ATP2C1: variants seen among roughly 807,000 people sequenced by gnomAD.
The protein encoded by ATP2C1 is calcium-transporting ATPase type 2C member 1.
ATP2C1 carries 31 observed loss-of-function variants against 120.5 expected under a neutral mutation model. The ratio of observed to expected loss-of-function variants is 0.26; its 90% CI spans 0.19 to 0.35. ATP2C1 has a LOEUF of 0.35. Among genes scored for constraint, ATP2C1 ranks in the 10% least tolerant of loss-of-function variants. ATP2C1 has a pLI of 1.00. For missense variants in ATP2C1, 731 were observed against 1,107.5 expected (o/e 0.66, Z 4.83); for synonymous variants, 351 against 358.7 (o/e 0.98, Z 0.24).
intron 26 of ATP2C1, among the ~76,000 whole-genome samples, chr3:131,011,767 A>G (rs1209167140): frequency 6.6e-6 from 1 of 152,208 alleles, no homozygotes. Flanking sequence ...TTACTTTTGC[A>G]CCAACTTAAT....
In ATP2C1 at chr3:130,851,136, C is replaced by T. The variant is rs373525560; in HGVS notation, c.108+208C>T. On this transcript the variant is annotated intron_variant, in intron 1 of 26. Coordinates refer to the ATP2C1 transcript ENST00000504381. ...GGAACATTCAGATCCTGAGATTAAGCGGAGTTCTGTAATGAAGCCACATGC... is the reference window on the plus strand; with the variant it reads ...GGAACATTCAGATCCTGAGATTAAGTGGAGTTCTGTAATGAAGCCACATGC... Among the ~76,000 whole-genome samples, 187 of 152,266 alleles carry T rather than the reference C, an allele frequency of 1.2e-3. 2 individuals carry two copies. In the South Asian group the frequency reaches 0.025, roughly 21 times the overall value.
intron 20 of ATP2C1, among the ~76,000 whole-genome samples, chr3:130,987,271 T>C (rs1272695766): frequency 6.6e-6 from 1 of 152,022 alleles, no homozygotes; most frequent in East Asian, 1.9e-4. Context: ...GTGCTGGGGT[T>C]ATAGGCATGA....
chr3:131,003,115 TTG>T lies in ATP2C1; in HGVS notation c.*1767_*1768del. 1.0e-6 allele frequency: 1 copy of T among 983,492 alleles called. No homozygotes were observed. The highest frequency in any genetic ancestry group is 1.2e-6 in the Non-Finnish European group (1 of 827,756). 60.9% of individuals were successfully genotyped at this position (983,492 alleles called of 1,614,324 possible). On this transcript the variant is annotated 3_prime_UTR_variant, in exon 28 of 28. Coordinates refer to ENST00000510168, the MANE Select transcript of ATP2C1 (RefSeq NM_001378687.1). ...AAATGTGCCTATACATTCATTTGCT[TTG>T]TACTATAAAAATAAAAATGATTTCT...
intron 16 of ATP2C1, among the ~76,000 whole-genome samples, chr3:130,968,664 A>G (rs2061157961): frequency 6.6e-6 from 1 of 152,228 alleles, no homozygotes; most frequent in Non-Finnish European, 1.5e-5. Context: ...GAGAACCTTT[A>G]AGGCCAAGAA....
chr3:130,912,988 T>C (rs942097492), intron 2 of ATP2C1, among the ~76,000 whole-genome samples: 1 of 147,366 alleles, frequency 6.8e-6, no homozygotes, highest in Non-Finnish European at 1.5e-5. Context: ...TCATTCTCAG[T>C]AAACTATCGC....
chr3:130,863,735 A>C (rs2068085314), intron 1 of ATP2C1, among the ~76,000 whole-genome samples: 1 of 152,194 alleles, frequency 6.6e-6, no homozygotes, highest in Non-Finnish European at 1.5e-5. Flanking sequence ...ATAGTGAATA[A>C]GTCTCATGAG....
intron 9 of ATP2C1, 101 bp downstream of exon 9, chr3:130,954,077 C>T: frequency 7.8e-7 from 1 of 1,278,404 alleles, no homozygotes. Flanking sequence ...AAATACATGA[C>T]AAAGGATAAA....
chr3:130,874,721 T>C (rs777648510), intron 1 of ATP2C1, among the ~76,000 whole-genome samples: 4 of 152,196 alleles, frequency 2.6e-5, no homozygotes, highest in Non-Finnish European at 5.9e-5. Flanking sequence ...TTGCCATTCT[T>C]AGTATTGTCT....
chr3:130,947,628 G>T (rs751210403), intron 8 of ATP2C1, among the ~76,000 whole-genome samples: 4 of 152,024 alleles, frequency 2.6e-5, no homozygotes, highest in Non-Finnish European at 4.4e-5. Context: ...ATTTTCCATT[G>T]TAAGGATTTA....
rs1446667697 is a variant in ATP2C1 at position 130,883,474 on chromosome 3, TTTTC to T, written c.108+32548_108+32551del. ...AGTCTTTCTTCTCCTTCTTTTTTTT[TTTTC>T]TCCACAGAGTTTTGCTCTGTCACCT... On this transcript the variant is annotated intron_variant, in intron 1 of 26. Coordinates refer to the ATP2C1 transcript ENST00000504381. 9.7e-5 allele frequency among the ~76,000 whole-genome samples: 7 copies of T among 72,304 alleles called. No individual in the cohort carries two copies. The South Asian group carries it at 1.4e-3, about 14-fold the overall frequency. 47.4% of individuals were successfully genotyped at this position (72,304 alleles called of 152,430 possible).
intron 22 of ATP2C1, among the ~76,000 whole-genome samples, chr3:130,994,447 A>T (rs2062505614): frequency 6.6e-6 from 1 of 152,188 alleles, no homozygotes; most frequent in African/African-American, 2.4e-5. Flanking sequence ...CTTTATAATA[A>T]ATATTGAAAA....
chr3:130,981,258 T>C (rs1332433331), intron 20 of ATP2C1, among the ~76,000 whole-genome samples: 3 of 152,194 alleles, frequency 2.0e-5, no homozygotes, highest in Non-Finnish European at 4.4e-5. Context: ...TCTGCCACTT[T>C]ACCTTTTCTA....
intron 20 of ATP2C1, among the ~76,000 whole-genome samples, chr3:130,986,939 T>G (rs1285213787): frequency 7.1e-6 from 1 of 140,192 alleles, no homozygotes; most frequent in African/African-American, 2.7e-5. Context: ...TTAGTTTAGT[T>G]TAGTTTAGTT....
chr3:130,864,761 C>T (rs1315010635), intron 1 of ATP2C1, among the ~76,000 whole-genome samples: 1 of 152,236 alleles, frequency 6.6e-6, no homozygotes, highest in Non-Finnish European at 1.5e-5. Context: ...TGTGAATGCA[C>T]TGAAGTCAAG....
intron 1 of ATP2C1, among the ~76,000 whole-genome samples, chr3:130,878,624 CCTT>C (rs1358843739): frequency 6.6e-6 from 1 of 152,164 alleles, no homozygotes; most frequent in East Asian, 1.9e-4. Context: ...CTTTATTTCT[CCTT>C]CATTTCTGAA....
chr3:130,956,919 G>C (rs926038675), intron 11 of ATP2C1, among the ~76,000 whole-genome samples: 11 of 151,924 alleles, frequency 7.2e-5, no homozygotes, highest in Admixed American at 4.6e-4. Context: ...ATTGATAAAA[G>C]CTTTTTATAT....
chr3:130,894,368 T>G lies in ATP2C1; in HGVS notation c.-181+31T>G. The G allele has an allele frequency of 9.1e-7, 1 of 1,099,668 alleles. No individual in the cohort carries two copies. The allele number at this position is 1,099,668 out of a possible 1,614,324, so 68.1% of individuals were successfully genotyped here. On this transcript the variant is annotated intron_variant, in intron 1 of 27. Coordinates refer to ENST00000510168, the MANE Select transcript of ATP2C1 (RefSeq NM_001378687.1). The surrounding 1 kb of genome is among the most constrained non-coding windows in gnomAD (Gnocchi z 4.5). ...TACCAGTATTACCTCCTGCCCCCAT[T>G]TCTAGAAACTTCCAGGTTCTGAAGG... is the stretch of plus-strand genomic sequence containing the variant.
Position 131,001,522 on chromosome 3 carries a change from A to G in ATP2C1, c.*172A>G. 1.5e-6 allele frequency: 2 copies of G among 1,314,804 alleles called. No homozygotes were observed. 81.4% of individuals were successfully genotyped at this position (1,314,804 alleles called of 1,614,324 possible). ...TAACCTGCTGGCAGTCCCAAATGAAATTATGCAACTTTGATATCATATTCC... is the reference window on the plus strand; with the variant it reads ...TAACCTGCTGGCAGTCCCAAATGAAGTTATGCAACTTTGATATCATATTCC... On this transcript the variant is annotated 3_prime_UTR_variant, in exon 28 of 28. Coordinates refer to ENST00000510168, the MANE Select transcript of ATP2C1 (RefSeq NM_001378687.1).
intron 4 of ATP2C1, among the ~76,000 whole-genome samples, chr3:130,933,674 G>C (rs1027769765): frequency 6.6e-6 from 1 of 152,148 alleles, no homozygotes; most frequent in Non-Finnish European, 1.5e-5. Flanking sequence ...AATCACTTGG[G>C]GAGTGCTTAA....
Sources: allele counts gnomAD v4.1 joint callset (sites outside exome capture counted in the v4.1 genomes callset), GRCh38; gene constraint gnomAD v4.1.1; non-coding constraint Gnocchi (gnomAD v3.1); transcripts MANE v1.5; gene names NCBI Gene and HGNC (gene_info 2026-07-23, HGNC 2026-07-21).